DEPDC1B: variants seen among roughly 807,000 people sequenced by gnomAD.
DEPDC1B encodes the protein DEP domain containing 1B, also known as DEP domain-containing protein 1B.
Under a neutral mutation model 66.5 loss-of-function variants are expected in DEPDC1B, and 51 were observed. The observed-to-expected ratio is 0.77, with a 90% CI of 0.61 to 0.97. DEPDC1B has a LOEUF of 0.97. DEPDC1B is among the 50% of genes least tolerant of loss of function. The pLI is 0.00. For missense variants in DEPDC1B, 552 were observed against 637.1 expected, an observed-to-expected ratio of 0.87 and a Z score of 1.44; for synonymous variants, 226 against 223.6, an observed-to-expected ratio of 1.01 and a Z score of -0.10.
At chr5:60,689,863 G>A (rs1754503732) in intron 1 of DEPDC1B, among the ~76,000 whole-genome samples, 1 of 152,156 alleles carries the variant, frequency 6.6e-6, no homozygotes, top group African/African-American at 2.4e-5. Flanking sequence ...GCATCATGGG[G>A]AAACCCCATT....
chr5:60,600,589 A>G (rs1023391743), intron 9 of DEPDC1B, among the ~76,000 whole-genome samples: 1 of 152,198 alleles, frequency 6.6e-6, no homozygotes, highest in Admixed American at 6.5e-5. Flanking sequence ...TGAATGGAAC[A>G]GGTGCTTGGC....
intron 7 of DEPDC1B, among the ~76,000 whole-genome samples, chr5:60,612,706 A>G (rs746284131): frequency 6.5e-4 from 59 of 90,694 alleles, no homozygotes; most frequent in African/African-American, 2.1e-3. Context: ...AATGGTTCAG[A>G]AAAAAAAAAA....
intron 5 of DEPDC1B, among the ~76,000 whole-genome samples, chr5:60,644,096 G>A (rs964543788): frequency 6.6e-6 from 1 of 152,174 alleles, no homozygotes; most frequent in African/African-American, 2.4e-5. Context: ...ACAAATCAAT[G>A]AGCCCATCCA....
chr5:60,610,228 G>A (rs576608645), intron 7 of DEPDC1B, among the ~76,000 whole-genome samples: 4 of 152,318 alleles, frequency 2.6e-5, no homozygotes, highest in African/African-American at 9.6e-5. Flanking sequence ...TTAAATCCCA[G>A]CTCTCACCGA....
chr5:60,643,576 T>C (rs2111871953), intron 5 of DEPDC1B, among the ~76,000 whole-genome samples: 1 of 152,362 alleles, frequency 6.6e-6, no homozygotes, highest in East Asian at 1.9e-4. Context: ...TCTAATGAAC[T>C]GGAGTCTTGT....
intron 2 of DEPDC1B, among the ~76,000 whole-genome samples, chr5:60,676,890 A>C (rs1166181177): frequency 2.0e-5 from 3 of 152,216 alleles, no homozygotes; most frequent in Non-Finnish European, 2.9e-5. Flanking sequence ...TTATAGGGAA[A>C]TGGTGGGGAA....
intron 2 of DEPDC1B, among the ~76,000 whole-genome samples, chr5:60,675,681 C>A (rs1754137957): frequency 6.6e-6 from 1 of 152,102 alleles, no homozygotes; most frequent in Non-Finnish European, 1.5e-5. Flanking sequence ...AGGGTCTAGC[C>A]TGAAATTTGC....
intron 2 of DEPDC1B, among the ~76,000 whole-genome samples, chr5:60,664,447 A>G (rs924364880): frequency 3.3e-5 from 5 of 152,250 alleles, no homozygotes; most frequent in African/African-American, 4.8e-5. Flanking sequence ...ATTTGCTTAA[A>G]TATCAGGCTC....
chr5:60,688,163 G>A (rs1754465232), intron 1 of DEPDC1B, among the ~76,000 whole-genome samples: 1 of 152,082 alleles, frequency 6.6e-6, no homozygotes, highest in African/African-American at 2.4e-5. Flanking sequence ...ACAGCTCAAG[G>A]CCACAAAGAT....
chr5:60,635,694 T>C (rs1753029199), intron 7 of DEPDC1B, among the ~76,000 whole-genome samples: 1 of 152,194 alleles, frequency 6.6e-6, no homozygotes, highest in African/African-American at 2.4e-5. Context: ...CACTTGCTGC[T>C]TCTAGTGGGA....
chr5:60,601,410 A>G (rs910369668), intron 9 of DEPDC1B, among the ~76,000 whole-genome samples: 1 of 152,248 alleles, frequency 6.6e-6, no homozygotes, highest in Non-Finnish European at 1.5e-5. Context: ...AAAGGGGCAA[A>G]GAAATGAACA....
At chr5:60,675,623 A>T (rs1054646360) in intron 2 of DEPDC1B, among the ~76,000 whole-genome samples, 1 of 152,262 alleles carries the variant, frequency 6.6e-6, no homozygotes, top group Non-Finnish European at 1.5e-5. Context: ...TTGTTCAAAA[A>T]TAATCAGACT....
chr5:60,660,724 T>C (rs1753695123), intron 2 of DEPDC1B, among the ~76,000 whole-genome samples: 1 of 152,230 alleles, frequency 6.6e-6, no homozygotes, highest in African/African-American at 2.4e-5. Context: ...TCTTAAAGTA[T>C]GGGGCTATTC....
chr5:60,597,647 T>C lies in DEPDC1B; in HGVS notation c.*106A>G. Reference sequence around the variant, plus strand: ...AATCTTTATCTATATTTCAGTAGTCTTTGTTTTATGCTTTTCTTTCTTCCA... The same window carrying C: ...AATCTTTATCTATATTTCAGTAGTCCTTGTTTTATGCTTTTCTTTCTTCCA... On this transcript the variant is annotated 3_prime_UTR_variant, in exon 11 of 11. Transcript: ENST00000265036. 1 of 1,280,950 alleles carries C rather than the reference T, an allele frequency of 7.8e-7. No individual in the cohort carries two copies. The highest frequency in any genetic ancestry group is 1.1e-6 in the Non-Finnish European group (1 of 923,890). The allele number at this position is 1,280,950 out of a possible 1,614,324, so 79.3% of individuals were successfully genotyped here.
Position 60,687,172 on chromosome 5 carries a change from C to T in DEPDC1B, c.104G>A (p.Cys35Tyr). 2 of 1,614,020 alleles carry T rather than the reference C, an allele frequency of 1.2e-6. No homozygotes were observed. Among genetic ancestry groups the T allele is most frequent in the Non-Finnish European group, 1.7e-6 (2 of 1,179,880 alleles). The change falls in exon 2 of 11, where the codon TGT (cysteine) becomes TAT (tyrosine). Residue 35 changes from cysteine (C) to tyrosine (Y), a missense_variant. Transcript: ENST00000265036. Reference protein sequence around the residue: ...RAKMPLRKHRCRFKSYEHCFT... With the variant: ...RAKMPLRKHRYRFKSYEHCFT... ...ACAATGCTCATAGCTCTTGAAACGA[C>T]AGCGATGTTTCCGTAACGGCATCTT...
chr5:60,623,338 T>A (rs1382703331), intron 7 of DEPDC1B, among the ~76,000 whole-genome samples: 1 of 152,106 alleles, frequency 6.6e-6, no homozygotes, highest in African/African-American at 2.4e-5. Flanking sequence ...TAAATATCTA[T>A]CCTTATGCCA....
chr5:60,659,913 C>T (rs1753668802), intron 2 of DEPDC1B, among the ~76,000 whole-genome samples: 1 of 152,152 alleles, frequency 6.6e-6, no homozygotes, highest in Non-Finnish European at 1.5e-5. Context: ...TTTAGGTATA[C>T]AGCTCTTGAC....
At chr5:60,603,239 T>A (rs779722390) in intron 9 of DEPDC1B, 152 bp downstream of exon 9, 20 of 571,190 alleles carry the variant, frequency 3.5e-5, no homozygotes, top group Non-Finnish European at 4.8e-5. Flanking sequence ...TACAAACACA[T>A]GCAGGGGATT....
intron 7 of DEPDC1B, among the ~76,000 whole-genome samples, chr5:60,623,101 G>A (rs979164858): frequency 2.0e-5 from 3 of 151,976 alleles, no homozygotes; most frequent in African/African-American, 7.2e-5. Context: ...CTTTCTTTTG[G>A]AAGGTTTTTA....
Sources: gnomAD v4.1 joint callset for allele counts (sites outside exome capture counted in the v4.1 genomes callset) on GRCh38, gnomAD v4.1.1 for gene constraint, MANE v1.5 for transcripts, NCBI Gene and HGNC (gene_info 2026-07-23, HGNC 2026-07-21) for gene names.